Variants in AGMO observed in about 807,000 individuals in gnomAD.
The protein encoded by AGMO is alkylglycerol monooxygenase, also known as glyceryl-ether monooxygenase.
A neutral mutation model predicts 60.2 loss-of-function variants in AGMO; 75 were observed. The ratio of observed to expected loss-of-function variants is 1.25; its 90% confidence interval spans 1.03 to 1.51. The LOEUF (loss-of-function observed/expected upper bound fraction) is 1.51. Ranked by LOEUF, AGMO falls within the 40% of genes most tolerant of loss-of-function variation. The pLI is 0.00. For synonymous variants in AGMO, 261 were observed against 177.1 expected, an observed-to-expected ratio of 1.47 and a Z score of -3.76; for missense variants, 763 against 525.5, an observed-to-expected ratio of 1.45 and a Z score of -4.42.
chr7:15,231,489 G>A (rs970172142), intron 12 of AGMO, among the ~76,000 whole-genome samples: 1 of 152,076 alleles, frequency 6.6e-6, no homozygotes, highest in Non-Finnish European at 1.5e-5. Context: ...TTAACACAAT[G>A]CAAATTTTGC....
chr7:15,394,042 G>T (rs148081590), intron 6 of AGMO, 71 bp downstream of exon 6: 2 of 1,124,358 alleles, frequency 1.8e-6, no homozygotes, highest in African/African-American at 1.6e-5. Flanking sequence ...GTGATTAAAT[G>T]AGATTAAGGA....
chr7:15,249,182 G>A (rs1296624256), intron 12 of AGMO, among the ~76,000 whole-genome samples: 1 of 151,932 alleles, frequency 6.6e-6, no homozygotes, highest in African/African-American at 2.4e-5. Flanking sequence ...ATCATGTTAA[G>A]AGCTGAATAA....
chr7:15,168,173 A>C, the AGMO span, among the ~76,000 whole-genome samples: 1 of 152,232 alleles, frequency 6.6e-6, no homozygotes, highest in African/African-American at 2.4e-5. Flanking sequence ...CAGCACAGGC[A>C]GCTTCAGGGT....
intron 12 of AGMO, among the ~76,000 whole-genome samples, chr7:15,340,858 T>A (rs557772498): frequency 6.6e-6 from 1 of 152,166 alleles, no homozygotes; most frequent in East Asian, 1.9e-4. Context: ...CACTGCCTAG[T>A]GGAGCTGTGA....
intron 2 of AGMO, among the ~76,000 whole-genome samples, chr7:15,549,820 A>C (rs1363710941): frequency 6.6e-6 from 1 of 151,850 alleles, no homozygotes; most frequent in African/African-American, 2.4e-5. Flanking sequence ...AGCGGACCTA[A>C]TAGACATCTA....
chr7:15,547,502 C>T (rs560351526), intron 2 of AGMO, among the ~76,000 whole-genome samples: 1,594 of 151,842 alleles, frequency 0.01, 24 homozygotes, highest in African/African-American at 0.037. Context: ...TTGCCTCACT[C>T]GGGAAGCGCA....
chr7:15,493,365 CTTTTTTTTT>C (rs71004387), intron 3 of AGMO, among the ~76,000 whole-genome samples: 4 of 66,654 alleles, frequency 6.0e-5, no homozygotes, highest in Non-Finnish European at 8.1e-5. Context: ...ACACACACTT[CTTTTTTTTT>C]TTTTTTTTTT....
chr7:15,437,299 C>G (rs893797202), intron 3 of AGMO, among the ~76,000 whole-genome samples: 17 of 152,026 alleles, frequency 1.1e-4, no homozygotes, highest in Non-Finnish European at 1.5e-4. Flanking sequence ...ATGGCATTAC[C>G]AATTCATTCA....
intron 12 of AGMO, among the ~76,000 whole-genome samples, chr7:15,271,929 G>A (rs1021454085): frequency 6.6e-6 from 1 of 151,880 alleles, no homozygotes; most frequent in South Asian, 2.1e-4. Flanking sequence ...ATGACCATAT[G>A]GTTTTTGTTT....
chr7:15,547,943 T>G (rs925197988), intron 2 of AGMO, among the ~76,000 whole-genome samples: 105 of 152,182 alleles, frequency 6.9e-4, no homozygotes, highest in Middle Eastern at 3.4e-3. Context: ...AGAGCAGTGG[T>G]TCTCCCAGCA....
intron 12 of AGMO, among the ~76,000 whole-genome samples, chr7:15,258,104 A>G (rs540027911): frequency 6.6e-6 from 1 of 152,278 alleles, no homozygotes. Context: ...TATCCGTATA[A>G]ATTCCTAGTA....
Position 15,358,317 on chromosome 7 carries a change from G to A in AGMO, c.1263+7197C>T, listed in dbSNP as rs554821566. On this transcript the variant is annotated intron_variant, in intron 12 of 12. Transcript: ENST00000342526. Reference sequence around the variant, plus strand: ...TTTCTTCTGCACATAAAATGGCTGAGGCAGCAAATTGTTAACCTTGGGTTA... The same window carrying A: ...TTTCTTCTGCACATAAAATGGCTGAAGCAGCAAATTGTTAACCTTGGGTTA... 2.6e-4 allele frequency: 111 copies of A among 430,744 alleles called. No individual in the cohort carries two copies. In the Admixed American group the frequency reaches 2.7e-3, roughly 10 times the overall value. The allele number at this position is 430,744 out of a possible 1,614,324, so 26.7% of individuals were successfully genotyped here.
At chr7:15,258,116 T>C (rs1783155056) in intron 12 of AGMO, among the ~76,000 whole-genome samples, 1 of 152,230 alleles carries the variant, frequency 6.6e-6, no homozygotes, top group Non-Finnish European at 1.5e-5. Flanking sequence ...TTCCTAGTAT[T>C]AATGTACTAT....
chr7:15,543,694 T>G (rs927158743), intron 3 of AGMO, among the ~76,000 whole-genome samples: 1 of 151,980 alleles, frequency 6.6e-6, no homozygotes, highest in African/African-American at 2.4e-5. Context: ...ATAACAATAA[T>G]GGAAGGCAGT....
the AGMO span, among the ~76,000 whole-genome samples, chr7:15,124,305 G>C: frequency 3.2e-4 from 49 of 152,080 alleles, no homozygotes; most frequent in African/African-American, 1.2e-3. Flanking sequence ...TGGTAGCCAT[G>C]GTGCCTCCTT....
intron 3 of AGMO, among the ~76,000 whole-genome samples, chr7:15,516,496 T>C (rs983844853): frequency 6.6e-6 from 1 of 152,166 alleles, no homozygotes; most frequent in Non-Finnish European, 1.5e-5. Context: ...TTAAATGGTT[T>C]AAAAAGATGA....
At chr7:15,409,469 C>T (rs1285152279) in intron 5 of AGMO, among the ~76,000 whole-genome samples, 3 of 151,814 alleles carry the variant, frequency 2.0e-5, no homozygotes, top group Admixed American at 2.0e-4. Context: ...AGAATATCAA[C>T]GTTCTTAGCC....
At chr7:15,389,764 A>T (rs986731973) in intron 8 of AGMO, among the ~76,000 whole-genome samples, 3 of 152,198 alleles carry the variant, frequency 2.0e-5, no homozygotes, top group Non-Finnish European at 2.9e-5. Flanking sequence ...CCTCCATCAG[A>T]AAATGGGAAT....
At chr7:15,329,207 G>C (rs953110523) in intron 12 of AGMO, among the ~76,000 whole-genome samples, 1 of 152,030 alleles carries the variant, frequency 6.6e-6, no homozygotes, top group Admixed American at 6.6e-5. Flanking sequence ...TTCGATATTC[G>C]TCTGTATTGT....
Sources: gnomAD v4.1 joint callset for allele counts (sites outside exome capture counted in the v4.1 genomes callset) on GRCh38, gnomAD v4.1.1 for gene constraint, MANE v1.5 for transcripts, NCBI Gene and HGNC (gene_info 2026-07-23, HGNC 2026-07-21) for gene names.